GALNT8: variants seen among roughly 807,000 people sequenced by gnomAD.
GALNT8 encodes the protein probable polypeptide N-acetylgalactosaminyltransferase 8.
GALNT8 carries 66 observed loss-of-function variants against 62.7 expected under a neutral mutation model. That is an observed-to-expected ratio of 1.05 (90% CI 0.86 to 1.29). GALNT8 has a LOEUF of 1.29. GALNT8 is among the 50% of genes most tolerant of loss of function. GALNT8 has a pLI of 0.00. For missense variants in GALNT8, 771 were observed against 791.8 expected (o/e 0.97, Z 0.32); for synonymous variants, 288 against 294.3 (o/e 0.98, Z 0.22).
chr12:4,739,225 A>G lies in GALNT8; in HGVS notation c.572A>G (p.Asn191Ser), dbSNP rs747779351. Residue 191 changes from asparagine (N) to serine (S), a missense_variant, in exon 3 of 11, where the codon AAT becomes AGT. Coordinates refer to ENST00000252318, the MANE Select transcript of GALNT8 (RefSeq NM_017417.2). ...PSLSVILIFV[N>S]EALSIIQRAI... ...CTCAGTGTCATTCTCATATTCGTGA[A>G]TGAAGCTCTGTCCATTATACAACGG... 6.2e-7 allele frequency: 1 copy of G among 1,613,222 alleles called. No individual in the cohort carries two copies. Among genetic ancestry groups the G allele is most frequent in the Admixed American group, 1.7e-5 (1 of 60,026 alleles).
chr12:4,725,572 T>TC (rs1946191199), intron 1 of GALNT8, among the ~76,000 whole-genome samples: 1 of 150,614 alleles, frequency 6.6e-6, no homozygotes, highest in Non-Finnish European at 1.5e-5. Context: ...TTTTTTTTTT[T>TC]TGAGACGGAG....
intron 7 of GALNT8, among the ~76,000 whole-genome samples, chr12:4,761,851 G>A (rs1356542670): frequency 1.3e-5 from 2 of 152,124 alleles, no homozygotes; most frequent in Non-Finnish European, 2.9e-5. Flanking sequence ...CCACAGGGAG[G>A]AGTTATCTCA....
At chr12:4,721,033 G>A in intron 1 of GALNT8, 145 bp downstream of exon 1, 1 of 632,338 alleles carries the variant, frequency 1.6e-6, no homozygotes, top group Non-Finnish European at 2.9e-6. Flanking sequence ...ACTGAATTCT[G>A]TGCCTTCAAA....
intron 1 of GALNT8, among the ~76,000 whole-genome samples, chr12:4,724,148 CAAAAAAAAAAAA>C (rs11456593): frequency 2.1e-5 from 1 of 48,092 alleles, no homozygotes; most frequent in African/African-American, 9.3e-5. Context: ...GACTCCGTCT[CAAAAAAAAAAAA>C]AAAAAAAAAA....
At position 4,728,812 on chromosome 12, in the gene GALNT8, T is replaced by C. The variant is rs942224750; in HGVS notation, c.509+1983T>C. 3.3e-5 allele frequency among the ~76,000 whole-genome samples: 5 copies of C among 152,202 alleles called. No homozygotes were observed. In the South Asian group the frequency reaches 1.0e-3, roughly 31 times the overall value. ...TGTGAATCTTCCAACTTTCTTCTTC[T>C]TTCTCAAGACTGTTTTGTCTATTCT... On this transcript the variant is annotated intron_variant, in intron 2 of 10. Transcript: ENST00000252318.
chr12:4,738,587 CAT>C (rs1348762922), intron 2 of GALNT8, among the ~76,000 whole-genome samples: 1 of 151,998 alleles, frequency 6.6e-6, no homozygotes, highest in African/African-American at 2.4e-5. Context: ...AATGGGCAAA[CAT>C]ATAGAAAAAA....
chr12:4,755,320 C>G (rs1237997517), intron 6 of GALNT8, among the ~76,000 whole-genome samples: 1 of 152,168 alleles, frequency 6.6e-6, no homozygotes, highest in East Asian at 1.9e-4. Context: ...TAAATGCTCC[C>G]TCTTTGGGTG....
chr12:4,725,553 C>CTTTTT (rs747460695), intron 1 of GALNT8, among the ~76,000 whole-genome samples: 35 of 119,664 alleles, frequency 2.9e-4, no homozygotes, highest in Non-Finnish European at 3.4e-4. Flanking sequence ...TGAAGACATT[C>CTTTTT]TTTTTTTTTT....
intron 2 of GALNT8, among the ~76,000 whole-genome samples, chr12:4,729,275 G>A (rs1362425592): frequency 6.6e-6 from 1 of 152,122 alleles, no homozygotes; most frequent in African/African-American, 2.4e-5. Context: ...TATTTTCAGT[G>A]AGAATACTTA....
intron 2 of GALNT8, among the ~76,000 whole-genome samples, chr12:4,737,875 C>T (rs902296788): frequency 6.6e-6 from 1 of 152,154 alleles, no homozygotes; most frequent in African/African-American, 2.4e-5. Context: ...AGCCCCTCAC[C>T]AGAGGCCAGC....
At chr12:4,771,400 G>A (rs10459130) in intron 10 of GALNT8, among the ~76,000 whole-genome samples, 29,654 of 152,102 alleles carry the variant, frequency 0.19, 3,327 homozygotes, top group South Asian at 0.45. Context: ...TGGGGCTGGG[G>A]GGAGTCCAGG....
chr12:4,745,486 G>C lies in GALNT8; in HGVS notation c.918G>C (p.Val306=), dbSNP rs146241406. ...QEDRTVIVSP[V]FDNIRFDTFK... is the part of the protein sequence containing the mutation. ...ACCGCACTGTGATTGTGTCTCCTGT[G>C]TTTGACAACATTCGTTTTGACACCT... Residue 306 remains valine, a synonymous_variant, in exon 5 of 11, where the codon GTG becomes GTC. Transcript: ENST00000252318. 36 of 1,613,154 alleles carry C rather than the reference G, an allele frequency of 2.2e-5. No individual in the cohort carries two copies. The highest frequency in any genetic ancestry group is 2.9e-5 in the Non-Finnish European group (34 of 1,179,186).
At position 4,726,481 on chromosome 12, in the gene GALNT8, A is replaced by C; in HGVS notation, c.212-51A>C. 2.3e-6 allele frequency: 3 copies of C among 1,326,526 alleles called. No homozygotes were observed. The highest frequency in any genetic ancestry group is 2.1e-6 in the Non-Finnish European group (2 of 945,770). The allele number at this position is 1,326,526 out of a possible 1,614,324, so 82.2% of individuals were successfully genotyped here. A position where few individuals can be genotyped will look rare whatever the true frequency, so the allele number is the denominator to read the frequency against. Reference sequence around the variant, plus strand: ...GATGGAAAGGAATACCCAGGTAACTAAGGAGGGGCTGAAATGTTTTCTCTC... The same window carrying C: ...GATGGAAAGGAATACCCAGGTAACTCAGGAGGGGCTGAAATGTTTTCTCTC... On this transcript the variant is annotated intron_variant, in intron 1 of 10. Transcript: ENST00000252318. The surrounding 1 kb of genome is among the most constrained non-coding windows in gnomAD (Gnocchi z 4.1).
chr12:4,721,688 A>T (rs1946170352), intron 1 of GALNT8, among the ~76,000 whole-genome samples: 1 of 151,724 alleles, frequency 6.6e-6, no homozygotes, highest in South Asian at 2.1e-4. Flanking sequence ...TCCATTGCCC[A>T]GGGACGGGCA....
At chr12:4,752,941 A>G (rs1296829957) in intron 6 of GALNT8, among the ~76,000 whole-genome samples, 2 of 152,104 alleles carry the variant, frequency 1.3e-5, no homozygotes, top group Non-Finnish European at 2.9e-5. Context: ...TTTTCACTGT[A>G]TATGTTGTTC....
At chr12:4,743,460 C>G (rs1165329535) in intron 3 of GALNT8, among the ~76,000 whole-genome samples, 1 of 151,786 alleles carries the variant, frequency 6.6e-6, no homozygotes, top group Non-Finnish European at 1.5e-5. Context: ...GGTGTTGATT[C>G]CAGGTCTTGA....
intron 9 of GALNT8, among the ~76,000 whole-genome samples, chr12:4,764,857 AT>A (rs57897149): frequency 0.98 from 141,513 of 143,970 alleles, 69,544 homozygotes; most frequent in South Asian, 1. Context: ...TGGCCTGGAC[AT>A]TTTTTTTTTT....
intron 2 of GALNT8, among the ~76,000 whole-genome samples, chr12:4,738,591 T>C (rs924157900): frequency 5.3e-5 from 8 of 152,010 alleles, no homozygotes; most frequent in Admixed American, 4.6e-4. Context: ...GGCAAACATA[T>C]AGAAAAAACT....
intron 5 of GALNT8, among the ~76,000 whole-genome samples, 156 bp from the exon 6 acceptor site, chr12:4,745,988 C>G (rs769547080): frequency 1.3e-5 from 2 of 152,154 alleles, no homozygotes; most frequent in African/African-American, 2.4e-5. Context: ...CGAGGGAAAG[C>G]TACATGCACT....
Sources: gnomAD v4.1 joint callset for allele counts (sites outside exome capture counted in the v4.1 genomes callset) on GRCh38, gnomAD v4.1.1 for gene constraint, Gnocchi (gnomAD v3.1) non-coding constraint, MANE v1.5 for transcripts, NCBI Gene and HGNC (gene_info 2026-07-23, HGNC 2026-07-21) for gene names.